TEC: variants seen among roughly 807,000 people sequenced by gnomAD.
The protein encoded by TEC is tyrosine-protein kinase Tec.
In TEC, 72 loss-of-function variants were observed where a neutral mutation model predicts 93.0. That is an observed-to-expected ratio of 0.77 (90% CI 0.64 to 0.94). The LOEUF is 0.94. Among genes scored for constraint, TEC ranks in the 40% least tolerant of loss-of-function variants. TEC has a pLI of 0.00. For missense variants in TEC, 630 were observed against 757.9 expected (o/e 0.83, Z 1.98); for synonymous variants, 249 against 247.7 (o/e 1.01, Z -0.05).
chr4:48,166,894 C>T (rs1560385343), intron 7 of TEC, among the ~76,000 whole-genome samples: 2 of 151,580 alleles, frequency 1.3e-5, no homozygotes, highest in Non-Finnish European at 2.9e-5. Flanking sequence ...TAGAGGTTTC[C>T]ACTGCTTCTC....
At chr4:48,252,813 G>A (rs1409802073) in intron 1 of TEC, among the ~76,000 whole-genome samples, 2 of 152,146 alleles carry the variant, frequency 1.3e-5, no homozygotes, top group African/African-American at 4.8e-5. Flanking sequence ...ATAAATGTAG[G>A]AACACTGGGT....
chr4:48,178,861 C>T (rs1030591763), intron 2 of TEC, among the ~76,000 whole-genome samples: 17 of 152,182 alleles, frequency 1.1e-4, no homozygotes, highest in African/African-American at 4.1e-4. Flanking sequence ...ACAGTGCACC[C>T]TCAGTTTTCA....
At chr4:48,156,154 TA>T (rs1168350685) in intron 9 of TEC, among the ~76,000 whole-genome samples, 4 of 152,190 alleles carry the variant, frequency 2.6e-5, no homozygotes, top group Non-Finnish European at 4.4e-5. Context: ...TATGAAATTG[TA>T]AGGGCCAGTT....
chr4:48,198,896 A>G (rs1722395487), intron 2 of TEC, among the ~76,000 whole-genome samples: 1 of 152,234 alleles, frequency 6.6e-6, no homozygotes, highest in African/African-American at 2.4e-5. Flanking sequence ...TGTATATTCA[A>G]AGGTACCAAG....
intron 2 of TEC, among the ~76,000 whole-genome samples, chr4:48,202,049 C>T (rs868744788): frequency 6.6e-6 from 1 of 150,752 alleles, no homozygotes; most frequent in Non-Finnish European, 1.5e-5. Flanking sequence ...CTCTGCCTCC[C>T]GGGTTCACGC....
chr4:48,257,613 T>G (rs1229863774), intron 1 of TEC, among the ~76,000 whole-genome samples: 1 of 152,216 alleles, frequency 6.6e-6, no homozygotes, highest in Non-Finnish European at 1.5e-5. Flanking sequence ...CTCAAAGGGC[T>G]GCCTGGAGGA....
intron 9 of TEC, among the ~76,000 whole-genome samples, chr4:48,154,496 G>T (rs1330307373): frequency 6.6e-6 from 1 of 152,144 alleles, no homozygotes; most frequent in Non-Finnish European, 1.5e-5. Context: ...ACATGTAAGA[G>T]AAACAATTCT....
At chr4:48,261,727 A>T (rs917648399) in intron 1 of TEC, among the ~76,000 whole-genome samples, 1 of 152,218 alleles carries the variant, frequency 6.6e-6, no homozygotes, top group Non-Finnish European at 1.5e-5. Context: ...AGTACATGAC[A>T]AGTTAAAGTC....
intron 8 of TEC, among the ~76,000 whole-genome samples, chr4:48,157,119 T>G (rs1379448905): frequency 6.6e-6 from 1 of 152,242 alleles, no homozygotes; most frequent in Non-Finnish European, 1.5e-5. Flanking sequence ...AACATAAAAA[T>G]CATTTTTAAT....
At chr4:48,224,823 A>T (rs73138494) in intron 2 of TEC, among the ~76,000 whole-genome samples, 2,055 of 152,320 alleles carry the variant, frequency 0.013, 54 homozygotes, top group African/African-American at 0.047. Context: ...AATTTCAAGA[A>T]AAGCTTGCTG....
At chr4:48,231,762 A>C (rs1404386184) in intron 1 of TEC, among the ~76,000 whole-genome samples, 4 of 152,180 alleles carry the variant, frequency 2.6e-5, no homozygotes, top group Non-Finnish European at 4.4e-5. Context: ...GTCTGAAAAA[A>C]AAACAACAAA....
chr4:48,211,035 A>C (rs1038688322), intron 2 of TEC, among the ~76,000 whole-genome samples: 1 of 152,190 alleles, frequency 6.6e-6, no homozygotes, highest in Non-Finnish European at 1.5e-5. Flanking sequence ...CCTATGAGGG[A>C]AGTATTATTA....
intron 2 of TEC, among the ~76,000 whole-genome samples, chr4:48,186,376 G>A (rs1388271984): frequency 6.7e-6 from 1 of 150,118 alleles, no homozygotes; most frequent in African/African-American, 2.5e-5. Context: ...AGTGAGGAGC[G>A]CCTCTTCCCG....
chr4:48,221,516 T>G (rs1723260434), intron 2 of TEC, among the ~76,000 whole-genome samples: 1 of 152,182 alleles, frequency 6.6e-6, no homozygotes, highest in Non-Finnish European at 1.5e-5. Context: ...TTAAACCTCT[T>G]TTCTTTGTAA....
At chr4:48,241,625 T>G (rs1723925927) in intron 1 of TEC, among the ~76,000 whole-genome samples, 4 of 152,192 alleles carry the variant, frequency 2.6e-5, no homozygotes, top group African/African-American at 9.6e-5. Context: ...ACATCCCCAC[T>G]GTGCACTAAT....
At chr4:48,184,474 G>T (rs1721719125) in intron 2 of TEC, among the ~76,000 whole-genome samples, 1 of 152,132 alleles carries the variant, frequency 6.6e-6, no homozygotes, top group South Asian at 2.1e-4. Flanking sequence ...GGTGTTGGCT[G>T]GAATTGAATC....
intron 1 of TEC, among the ~76,000 whole-genome samples, chr4:48,265,509 ATATATATT>A (rs1724617329): frequency 1.0e-5 from 1 of 100,148 alleles, no homozygotes; most frequent in East Asian, 2.5e-4. Context: ...ATATATATAT[ATATATATT>A]TTTTTTTTTT....
Position 48,167,897 on chromosome 4 carries a change from A to G in TEC, c.552T>C (p.Val184=), listed in dbSNP as rs1720937124. 1 of 1,613,712 alleles carries G rather than the reference A, an allele frequency of 6.2e-7. No homozygotes were observed. Among genetic ancestry groups the G allele is most frequent in the Non-Finnish European group, 8.5e-7 (1 of 1,179,908 alleles). ...LEEEDNSEEI[V]VAMYDFQAAE... ...CTGCTTGGAAATCATACATGGCTAC[A>G]ACGATTTCTTCACTATTATCTTCTT... The change falls in exon 7 of 18, where the codon GTT becomes GTC. Residue 184 remains valine, a synonymous_variant. Coordinates refer to ENST00000381501, the MANE Select transcript of TEC (RefSeq NM_003215.3).
rs561711226 is a variant in TEC at position 48,149,630 on chromosome 4, C to G, written c.933G>C (p.Lys311Asn). The G allele has an allele frequency of 6.2e-7, 1 of 1,612,354 alleles. No individual in the cohort carries two copies. Among genetic ancestry groups the G allele is most frequent in the Non-Finnish European group, 8.5e-7 (1 of 1,179,344 alleles). Reference sequence around the variant, plus strand: ...AAGCATGTTTTTCAGCTAGGTAATACTTCTTTGGAGATGTTGTTGTTTCCT... The same window carrying G: ...AAGCATGTTTTTCAGCTAGGTAATAGTTCTTTGGAGATGTTGTTGTTTCCT... ...HIKETTTSPKKYYLAEKHAFG... is the reference protein window; with the variant it reads ...HIKETTTSPKNYYLAEKHAFG... The change falls in exon 11 of 18, where the codon AAG becomes AAC. Residue 311 changes from lysine (K) to asparagine (N), a missense_variant. By Grantham distance (94) the Lys-to-Asn change is moderately conservative. Transcript: ENST00000381501.
Sources: allele counts gnomAD v4.1 joint callset (sites outside exome capture counted in the v4.1 genomes callset), GRCh38; gene constraint gnomAD v4.1.1; transcripts MANE v1.5; gene names NCBI Gene and HGNC (gene_info 2026-07-23, HGNC 2026-07-21).